The following CABCOCO1 variants were observed in gnomAD, a reference collection of about 807,000 sequenced individuals.
CABCOCO1 encodes ciliary-associated calcium-binding coiled-coil protein 1.
Under a neutral mutation model 35.7 loss-of-function variants are expected in CABCOCO1, and 28 were observed. That is an observed-to-expected ratio of 0.78 (90% CI 0.58 to 1.07). The LOEUF is 1.07. Among genes scored for constraint, CABCOCO1 ranks in the 50% least tolerant of loss-of-function variants. CABCOCO1 has a pLI of 0.00. For missense variants in CABCOCO1, 326 were observed against 309.2 expected (o/e 1.05, Z -0.41); for synonymous variants, 95 against 100.1 (o/e 0.95, Z 0.30).
rs144129650 is a variant in CABCOCO1, at chr10:61,754,834, C to G, written c.553-5225C>G. 3.9e-5 allele frequency among the ~76,000 whole-genome samples: 6 copies of G among 152,148 alleles called. No homozygotes were observed. The East Asian group carries it at 1.2e-3, about 29-fold the overall frequency. The stretch of plus-strand genomic sequence containing the variant: ...GTGTGGATCTAATGGTCTCGAAGCT[C>G]TATTAAGTTATAAATGTTCAAACTA... On this transcript the variant is annotated intron_variant, in intron 5 of 7. Transcript: ENST00000648843.
In CABCOCO1 at chr10:61,679,105, C is replaced by G. The variant is rs575090222; in HGVS notation, c.165-2038C>G. On this transcript the variant is annotated intron_variant, in intron 2 of 7. Transcript: ENST00000648843. Reference sequence around the variant, plus strand: ...GTTGTCACACACATATTACCCCTCTCAAAATCACATAAAACCAACAAGGAA... The same window carrying G: ...GTTGTCACACACATATTACCCCTCTGAAAATCACATAAAACCAACAAGGAA... Among the ~76,000 whole-genome samples the G allele has an allele frequency of 3.9e-5, 6 of 152,208 alleles. No individual in the cohort carries two copies. In the East Asian group the frequency reaches 9.6e-4, roughly 24 times the overall value.
chr10:61,754,097 C>G (rs780158244), intron 5 of CABCOCO1, among the ~76,000 whole-genome samples: 4 of 151,866 alleles, frequency 2.6e-5, no homozygotes, highest in Non-Finnish European at 4.4e-5. Context: ...TAATACTTTC[C>G]CTTTGAAGAA....
intron 1 of CABCOCO1, among the ~76,000 whole-genome samples, chr10:61,666,948 T>G (rs1839194023): frequency 8.9e-6 from 1 of 112,390 alleles, no homozygotes; most frequent in African/African-American, 3.9e-5. Context: ...TAATTATATA[T>G]TATGTATAAA....
chr10:61,729,561 CT>C, intron 5 of CABCOCO1, among the ~76,000 whole-genome samples: 1 of 152,220 alleles, frequency 6.6e-6, no homozygotes, highest in Middle Eastern at 3.4e-3. Flanking sequence ...ATGGAGGTTC[CT>C]CAGAAATTAA....
At position 61,741,850 on chromosome 10, in the gene CABCOCO1, G is replaced by T. The variant is rs576900589; in HGVS notation, c.553-18209G>T. The stretch of plus-strand genomic sequence containing the variant: ...GTCAGCTTTTTAATAAAAGTAATTT[G>T]TTGTTCTTTTATTATTCTGTATACC... On this transcript the variant is annotated intron_variant, in intron 5 of 7. Coordinates refer to ENST00000648843, the MANE Select transcript of CABCOCO1 (RefSeq NM_001366906.2). 9.9e-5 allele frequency among the ~76,000 whole-genome samples: 15 copies of T among 152,190 alleles called. No homozygotes were observed. In the South Asian group the frequency reaches 3.1e-3, roughly 32 times the overall value.
In CABCOCO1 at chr10:61,725,196, T is replaced by C. The variant is rs553423467; in HGVS notation, c.552+34575T>C. 2.6e-5 allele frequency among the ~76,000 whole-genome samples: 4 copies of C among 152,300 alleles called. No homozygotes were observed. The South Asian group carries it at 8.3e-4, about 32-fold the overall frequency. ...CTAGTTCAACCATTGTGGAAGACAG[T>C]GTGGCAATTCCTCAAGGATCTAGAA... is the stretch of plus-strand genomic sequence containing the variant. On this transcript the variant is annotated intron_variant, in intron 5 of 7. Transcript: ENST00000648843.
At chr10:61,745,962 T>C (rs985973726) in intron 5 of CABCOCO1, among the ~76,000 whole-genome samples, 2 of 152,222 alleles carry the variant, frequency 1.3e-5, no homozygotes, top group African/African-American at 2.4e-5. Flanking sequence ...ACAAAGCCTA[T>C]CTGCTAATGC....
intron 5 of CABCOCO1, among the ~76,000 whole-genome samples, chr10:61,753,719 A>C (rs535875250): frequency 6.6e-6 from 1 of 152,268 alleles, no homozygotes; most frequent in East Asian, 1.9e-4. Flanking sequence ...CTCCTTTTCT[A>C]AATAGGTGGC....
intron 5 of CABCOCO1, among the ~76,000 whole-genome samples, chr10:61,726,076 G>A (rs889836687): frequency 1.3e-5 from 2 of 152,114 alleles, no homozygotes; most frequent in African/African-American, 2.4e-5. Context: ...ACTACAGTGC[G>A]ATTTTTTAAA....
At chr10:61,757,952 G>T (rs921791054) in intron 5 of CABCOCO1, among the ~76,000 whole-genome samples, 2 of 152,062 alleles carry the variant, frequency 1.3e-5, no homozygotes, top group Non-Finnish European at 2.9e-5. Flanking sequence ...ACTTCCACAG[G>T]GGGTGAGGGC....
intron 7 of CABCOCO1, among the ~76,000 whole-genome samples, chr10:61,762,850 C>T (rs551952016): frequency 2.0e-5 from 3 of 152,168 alleles, no homozygotes; most frequent in Admixed American, 1.3e-4. Context: ...TTAATACTCC[C>T]GTGGTGTGGC....
intron 4 of CABCOCO1, among the ~76,000 whole-genome samples, chr10:61,688,978 C>T (rs560587711): frequency 6.6e-6 from 1 of 152,286 alleles, no homozygotes; most frequent in East Asian, 1.9e-4. Context: ...ACAAATCATG[C>T]ATTTCGTTTT....
chr10:61,718,674 A>C (rs1840925441), intron 5 of CABCOCO1, among the ~76,000 whole-genome samples: 1 of 152,212 alleles, frequency 6.6e-6, no homozygotes, highest in South Asian at 2.1e-4. Context: ...CCTTGTCTAC[A>C]AAGTAGACAG....
chr10:61,764,775 G>A (rs1414760494), intron 7 of CABCOCO1, among the ~76,000 whole-genome samples: 1 of 151,884 alleles, frequency 6.6e-6, no homozygotes, highest in East Asian at 1.9e-4. Flanking sequence ...ACTAAAGCTT[G>A]AACCAGAAAA....
intron 4 of CABCOCO1, among the ~76,000 whole-genome samples, chr10:61,689,488 G>A (rs956574638): frequency 1.3e-5 from 2 of 152,102 alleles, no homozygotes; most frequent in Admixed American, 1.3e-4. Context: ...TTAGTAGTGA[G>A]ATCAACTGCT....
chr10:61,672,107 T>C (rs1228466922), intron 1 of CABCOCO1, among the ~76,000 whole-genome samples: 1 of 152,244 alleles, frequency 6.6e-6, no homozygotes, highest in Admixed American at 6.5e-5. Context: ...TGCTGGTTCA[T>C]TCACATGGGG....
intron 5 of CABCOCO1, among the ~76,000 whole-genome samples, chr10:61,715,942 C>T (rs1005832504): frequency 2.2e-4 from 34 of 152,192 alleles, no homozygotes; most frequent in African/African-American, 7.5e-4. Flanking sequence ...CTGCCCTTAA[C>T]ATTTTTTCCT....
chr10:61,741,428 C>A (rs1390834935), intron 5 of CABCOCO1, among the ~76,000 whole-genome samples: 1 of 152,044 alleles, frequency 6.6e-6, no homozygotes, highest in Non-Finnish European at 1.5e-5. Context: ...TGAGTGCCAC[C>A]TATTTAAGGA....
chr10:61,703,649 G>T (rs936682908), intron 5 of CABCOCO1, among the ~76,000 whole-genome samples: 1 of 151,758 alleles, frequency 6.6e-6, no homozygotes, highest in Non-Finnish European at 1.5e-5. Flanking sequence ...GTGCTTTTTG[G>T]TATCAGTTTA....
Sources: gnomAD v4.1 joint callset for allele counts (sites outside exome capture counted in the v4.1 genomes callset) on GRCh38, gnomAD v4.1.1 for gene constraint, MANE v1.5 for transcripts, NCBI Gene and HGNC (gene_info 2026-07-23, HGNC 2026-07-21) for gene names.